Variants in MYLK4 observed in about 807,000 individuals in gnomAD.
The protein encoded by MYLK4 is myosin light chain kinase family member 4.
A neutral mutation model predicts 48.1 loss-of-function variants in MYLK4; 46 were observed. The ratio of observed to expected loss-of-function variants is 0.96; its 90% confidence interval spans 0.75 to 1.22. The LOEUF is 1.22. Ranked by LOEUF, MYLK4 falls within the 50% of genes most tolerant of loss-of-function variation. MYLK4 has a pLI of 0.00. For synonymous variants in MYLK4, 170 were observed against 180.8 expected (o/e 0.94, Z 0.48); for missense variants, 451 against 486.1 (o/e 0.93, Z 0.68).
At chr6:2,727,749 C>A (rs774251657) in intron 2 of MYLK4, among the ~76,000 whole-genome samples, 1 of 152,024 alleles carries the variant, frequency 6.6e-6, no homozygotes, top group Non-Finnish European at 1.5e-5. Flanking sequence ...GAGATAGAGA[C>A]CATCCTGGCC....
the MYLK4 span, chr6:2,766,411 G>A: frequency 6.3e-6 from 10 of 1,599,958 alleles, no homozygotes; most frequent in Middle Eastern, 1.7e-4. Flanking sequence ...AAATCCCCTC[G>A]CTTATCCTGT....
the MYLK4 span, among the ~76,000 whole-genome samples, chr6:2,768,243 C>T: frequency 6.6e-6 from 1 of 152,196 alleles, no homozygotes; most frequent in Non-Finnish European, 1.5e-5. Context: ...CTTTTCTCAG[C>T]TGTCCTGAGC....
At chr6:2,765,715 C>G in the MYLK4 span, 1 of 1,543,668 alleles carries the variant, frequency 6.5e-7, no homozygotes, top group Non-Finnish European at 8.7e-7. Flanking sequence ...CCGCCGCGCA[C>G]ATCAACTCGC....
At chr6:2,688,696 T>C (rs796971159) in intron 4 of MYLK4, among the ~76,000 whole-genome samples, 155 bp downstream of exon 4, 1 of 152,278 alleles carries the variant, frequency 6.6e-6, no homozygotes, top group South Asian at 2.1e-4. Flanking sequence ...TTAACCTTTC[T>C]GGCATCAGTG....
At chr6:2,679,503 C>A in intron 8 of MYLK4, 95 bp from the exon 9 acceptor site, 1 of 1,448,566 alleles carries the variant, frequency 6.9e-7, no homozygotes, top group Non-Finnish European at 9.7e-7. Context: ...TGACTTCAGC[C>A]ATACAGCAAA....
chr6:2,739,309 A>G (rs895342799), intron 2 of MYLK4, among the ~76,000 whole-genome samples: 1 of 152,220 alleles, frequency 6.6e-6, no homozygotes, highest in African/African-American at 2.4e-5. Context: ...TGCTGAGTAA[A>G]TTAATACAGA....
At chr6:2,762,849 C>T in the MYLK4 span, among the ~76,000 whole-genome samples, 503 of 152,298 alleles carry the variant, frequency 3.3e-3, 8 homozygotes, top group South Asian at 0.022. Flanking sequence ...GTTAGCCGTT[C>T]CTGCCAGTGG....
chr6:2,690,933 A>ACC (rs1761767493), intron 3 of MYLK4, among the ~76,000 whole-genome samples: 1 of 147,610 alleles, frequency 6.8e-6, no homozygotes, highest in Non-Finnish European at 1.5e-5. Flanking sequence ...GGATTCAAGC[A>ACC]ATTCTCTGCC....
intron 12 of MYLK4, 115 bp from the exon 13 acceptor site, chr6:2,668,014 T>C (rs1412228125): frequency 7.3e-6 from 1 of 136,726 alleles, no homozygotes; most frequent in African/African-American, 2.8e-5. Context: ...AACATATGTG[T>C]GTATATGAGC....
chr6:2,701,781 C>T (rs146811751), intron 2 of MYLK4, among the ~76,000 whole-genome samples: 1 of 152,220 alleles, frequency 6.6e-6, no homozygotes, highest in African/African-American at 2.4e-5. Flanking sequence ...ACCTCAGCCT[C>T]TCCCCACCAC....
intron 2 of MYLK4, among the ~76,000 whole-genome samples, chr6:2,693,138 A>AC (rs1222711455): frequency 6.6e-6 from 1 of 152,210 alleles, no homozygotes; most frequent in African/African-American, 2.4e-5. Flanking sequence ...ACATAGAAAA[A>AC]AGCCCAGTAA....
At chr6:2,713,664 C>T (rs1215632665) in intron 2 of MYLK4, among the ~76,000 whole-genome samples, 3 of 152,204 alleles carry the variant, frequency 2.0e-5, no homozygotes, top group African/African-American at 7.2e-5. Context: ...GAACTCACTC[C>T]CCATCCCATG....
the MYLK4 span, among the ~76,000 whole-genome samples, chr6:2,768,303 C>T: frequency 2.3e-3 from 343 of 152,270 alleles, 1 homozygote; most frequent in African/African-American, 7.9e-3. Context: ...TAGATCCTTC[C>T]GTGCTGTCTC....
chr6:2,723,445 A>G (rs899707943), intron 2 of MYLK4, among the ~76,000 whole-genome samples: 1 of 152,256 alleles, frequency 6.6e-6, no homozygotes, highest in Non-Finnish European at 1.5e-5. Context: ...TGCTGAAGCA[A>G]TTGAGCATTC....
chr6:2,725,559 G>GAAAC (rs1283968170), intron 2 of MYLK4, among the ~76,000 whole-genome samples: 11 of 119,928 alleles, frequency 9.2e-5, no homozygotes, highest in Middle Eastern at 4.5e-3. Flanking sequence ...AAGAAACAAA[G>GAAAC]AAAGAAAGAA....
chr6:2,770,269 T>C, the MYLK4 span: 2 of 1,614,044 alleles, frequency 1.2e-6, no homozygotes, highest in Non-Finnish European at 8.5e-7. Flanking sequence ...TGGTGACTAT[T>C]TTAATGCGAG....
intron 2 of MYLK4, among the ~76,000 whole-genome samples, chr6:2,725,511 G>GAAAAAGAAACAAAGAAAGAAACAA (rs1475668987): frequency 1.4e-5 from 2 of 147,450 alleles, no homozygotes; most frequent in African/African-American, 5.3e-5. Flanking sequence ...GAGAGAGAGA[G>GAAAAAGAAACAAAGAAAGAAACAA]AGACAGAGAG....
chr6:2,765,478 G>C, the MYLK4 span: 1 of 1,058,680 alleles, frequency 9.4e-7, no homozygotes, highest in Non-Finnish European at 1.2e-6. Context: ...AGGCATGAGC[G>C]GCGCCCTCCT....
At chr6:2,687,599 T>C (rs769527955) in intron 4 of MYLK4, among the ~76,000 whole-genome samples, 1 of 152,218 alleles carries the variant, frequency 6.6e-6, no homozygotes, top group Non-Finnish European at 1.5e-5. Flanking sequence ...CAGGCTTCCA[T>C]GGAGCCAGTT....
Sources: gnomAD v4.1 joint callset for allele counts (sites outside exome capture counted in the v4.1 genomes callset) on GRCh38, gnomAD v4.1.1 for gene constraint, MANE v1.5 for transcripts, NCBI Gene and HGNC (gene_info 2026-07-23, HGNC 2026-07-21) for gene names.